The following THSD7A variants were observed in gnomAD, a reference collection of about 807,000 sequenced individuals.
The protein encoded by THSD7A is thrombospondin type-1 domain-containing protein 7A.
In THSD7A, 96 loss-of-function variants were observed where a neutral mutation model predicts 231.3. That is an observed-to-expected ratio of 0.41 (90% confidence interval 0.35 to 0.49). THSD7A has a LOEUF of 0.49. Ranked by LOEUF, THSD7A falls within the 20% of genes least tolerant of loss-of-function variation. THSD7A has a pLI of 0.05. For synonymous variants in THSD7A, 940 were observed against 743.3 expected, an observed-to-expected ratio of 1.26 and a Z score of -4.30; for missense variants, 2,290 against 2,070.2, an observed-to-expected ratio of 1.11 and a Z score of -2.06.
rs545611637 is a variant in THSD7A at position 11,532,510 on chromosome 7, G to T, written c.1822+8909C>A. 2.0e-5 allele frequency among the ~76,000 whole-genome samples: 3 copies of T among 152,158 alleles called. No individual in the cohort carries two copies. In the South Asian group the frequency reaches 6.2e-4, roughly 32 times the overall value. ...TATTAAATAATAAATTAAATCATTTGCCATAATTCTCCCATCAAGAGGCAG... is the reference window on the plus strand; with the variant it reads ...TATTAAATAATAAATTAAATCATTTTCCATAATTCTCCCATCAAGAGGCAG... On this transcript the variant is annotated intron_variant, in intron 6 of 27. Transcript: ENST00000423059.
intron 23 of THSD7A, among the ~76,000 whole-genome samples, chr7:11,387,642 T>G (rs1782804398): frequency 6.6e-6 from 1 of 152,248 alleles, no homozygotes; most frequent in Non-Finnish European, 1.5e-5. Flanking sequence ...TATACAATCA[T>G]GTCATCTGCA....
At chr7:11,527,794 C>T (rs909366130) in intron 6 of THSD7A, among the ~76,000 whole-genome samples, 1 of 152,106 alleles carries the variant, frequency 6.6e-6, no homozygotes, top group Non-Finnish European at 1.5e-5. Flanking sequence ...ATCACTTAGA[C>T]CTCTTTTGGG....
At chr7:11,399,612 T>C (rs551059818) in intron 23 of THSD7A, among the ~76,000 whole-genome samples, 4 of 152,290 alleles carry the variant, frequency 2.6e-5, no homozygotes, top group African/African-American at 9.6e-5. Context: ...CACAATGAGA[T>C]ACCATCTCAC....
intron 1 of THSD7A, among the ~76,000 whole-genome samples, chr7:11,711,495 T>A (rs1780964097): frequency 2.0e-5 from 3 of 151,082 alleles, no homozygotes; most frequent in African/African-American, 7.3e-5. Context: ...TCTTTATGTA[T>A]AAATCCACAC....
chr7:11,769,151 A>ATTTTTTTTTTTTTTTTTTT (rs1422492872), intron 1 of THSD7A, among the ~76,000 whole-genome samples: 14 of 35,456 alleles, frequency 3.9e-4, no homozygotes, highest in Non-Finnish European at 4.2e-4. Context: ...ATATATATAT[A>ATTTTTTTTTTTTTTTTTTT]TATTTTTTTT....
intron 4 of THSD7A, among the ~76,000 whole-genome samples, chr7:11,589,302 A>G (rs749695929): frequency 1.3e-5 from 2 of 151,916 alleles, no homozygotes; most frequent in Non-Finnish European, 2.9e-5. Flanking sequence ...CAACACGCCC[A>G]TCTTTACTGG....
intron 13 of THSD7A, among the ~76,000 whole-genome samples, chr7:11,437,684 C>T (rs1784678090): frequency 6.6e-6 from 1 of 152,022 alleles, no homozygotes; most frequent in Admixed American, 6.6e-5. Flanking sequence ...CTATTTATTG[C>T]TTTTTCTGCC....
chr7:11,541,325 T>C lies in THSD7A; in HGVS notation c.1822+94A>G, dbSNP rs16876888. On this transcript the variant is annotated intron_variant, in intron 6 of 27. Transcript: ENST00000423059. ...TTCTACGTTTGTAAACAGAATCAGTTATAATGCGAGAAGACACAGGATTTT... is the reference window on the plus strand; with the variant it reads ...TTCTACGTTTGTAAACAGAATCAGTCATAATGCGAGAAGACACAGGATTTT... The C allele has an allele frequency of 1.6e-3, 1,930 of 1,193,026 alleles. 28 individuals are homozygous for C. In the African/African-American group the frequency reaches 0.026, roughly 16 times the overall value. The allele number at this position is 1,193,026 out of a possible 1,614,324, so 73.9% of individuals were successfully genotyped here. A position where few individuals can be genotyped will look rare whatever the true frequency, so the allele number is the denominator to read the frequency against.
chr7:11,476,973 C>G (rs138855218), intron 7 of THSD7A, among the ~76,000 whole-genome samples: 64 of 152,210 alleles, frequency 4.2e-4, no homozygotes, highest in Non-Finnish European at 7.5e-4. Flanking sequence ...GAAACGATGT[C>G]CATCACCCTA....
chr7:11,546,618 G>A (rs538974850), intron 4 of THSD7A, among the ~76,000 whole-genome samples: 1 of 152,178 alleles, frequency 6.6e-6, no homozygotes, highest in Admixed American at 6.5e-5. Flanking sequence ...ATACAGATGA[G>A]AGAAAAACCA....
At chr7:11,797,301 T>A (rs564719459) in intron 1 of THSD7A, among the ~76,000 whole-genome samples, 2 of 152,160 alleles carry the variant, frequency 1.3e-5, no homozygotes, top group East Asian at 3.9e-4. Context: ...TTTATGACAA[T>A]CTAATTTCCA....
intron 1 of THSD7A, among the ~76,000 whole-genome samples, chr7:11,654,394 T>C (rs1288529119): frequency 1.3e-5 from 2 of 151,982 alleles, no homozygotes; most frequent in African/African-American, 4.8e-5. Flanking sequence ...TGTCACCCAA[T>C]AAAGCAGTGT....
At chr7:11,560,182 C>A (rs929748722) in intron 4 of THSD7A, among the ~76,000 whole-genome samples, 1 of 151,980 alleles carries the variant, frequency 6.6e-6, no homozygotes, top group Non-Finnish European at 1.5e-5. Flanking sequence ...TTAATGATAC[C>A]ATTCATATAA....
At chr7:11,739,721 T>C (rs144756140) in intron 1 of THSD7A, among the ~76,000 whole-genome samples, 1 of 152,032 alleles carries the variant, frequency 6.6e-6, no homozygotes, top group South Asian at 2.1e-4. Context: ...GCACCCAGCC[T>C]CATCATCATC....
chr7:11,430,040 A>G (rs1271351388), intron 13 of THSD7A, among the ~76,000 whole-genome samples: 1 of 152,220 alleles, frequency 6.6e-6, no homozygotes, highest in Non-Finnish European at 1.5e-5. Context: ...GTCAAGAATG[A>G]AACGCACGGT....
At chr7:11,613,552 T>A (rs1402628451) in intron 2 of THSD7A, among the ~76,000 whole-genome samples, 1 of 152,230 alleles carries the variant, frequency 6.6e-6, no homozygotes, top group Non-Finnish European at 1.5e-5. Context: ...AGTCAGTTTC[T>A]TTCTACAGTC....
chr7:11,593,330 T>C lies in THSD7A; in HGVS notation c.1195A>G (p.Ser399Gly), dbSNP rs1455164161. The part of the protein sequence containing the change: ...TRTIRQFPIG[S>G]EKECPEFEEK... ...TCAAATTCTGGACACTCCTTTTCAC[T>C]GCCAATGGGAAACTGCCTGATGGTT... Residue 399 changes from serine (S) to glycine (G), a missense_variant, in exon 3 of 28, where the codon AGT becomes GGT. Coordinates refer to ENST00000423059, the MANE Select transcript of THSD7A (RefSeq NM_015204.3). The C allele has an allele frequency of 6.2e-7, 1 of 1,614,024 alleles. No homozygotes were observed. Among genetic ancestry groups the C allele is most frequent in the South Asian group, 1.1e-5 (1 of 91,090 alleles).
In THSD7A at chr7:11,446,260, A is replaced by G. The variant is rs1036633440; in HGVS notation, c.2865T>C (p.Tyr955=). 9 of 1,613,472 alleles carry G rather than the reference A, an allele frequency of 5.6e-6. No individual in the cohort carries two copies. In the South Asian group the frequency reaches 9.9e-5, roughly 18 times the overall value. The change falls in exon 13 of 28, where the codon TAT becomes TAC. Residue 955 remains tyrosine (Y), a synonymous_variant. Transcript: ENST00000423059. This position sits in a 1 kb window ranked among gnomAD's most constrained non-coding sequence, Gnocchi z 4.0. The part of the protein sequence containing the change: ...SHLYPLIETQ[Y]CPCDKYNAQP... ...GTGCATTATATTTGTCACAAGGACA[A>G]TACTGAGTCTCAATCAGGGGATACA...
At chr7:11,773,115 C>G (rs1526517) in intron 1 of THSD7A, among the ~76,000 whole-genome samples, 107,307 of 152,048 alleles carry the variant, frequency 0.71, 38,276 homozygotes, top group African/African-American at 0.81. Flanking sequence ...TGTTTGCTTG[C>G]AAAGAAAGGA....
Sources: allele counts gnomAD v4.1 joint callset (sites outside exome capture counted in the v4.1 genomes callset), GRCh38; gene constraint gnomAD v4.1.1; non-coding constraint Gnocchi (gnomAD v3.1); transcripts MANE v1.5; gene names NCBI Gene and HGNC (gene_info 2026-07-23, HGNC 2026-07-21).